The following TOX2 variants were observed in gnomAD, a reference collection of about 807,000 sequenced individuals.
TOX2 encodes TOX high mobility group box family member 2.
TOX2 carries 15 observed loss-of-function variants against 47.4 expected under a neutral mutation model. That is an observed-to-expected ratio of 0.32 (90% CI 0.21 to 0.49). TOX2 has a LOEUF of 0.49. Ranked by LOEUF, TOX2 falls within the 20% of genes least tolerant of loss-of-function variation. TOX2 has a pLI of 0.99. For synonymous variants in TOX2, 290 were observed against 296.6 expected (o/e 0.98, Z 0.23); for missense variants, 622 against 673.1 (o/e 0.92, Z 0.84).
chr20:43,941,306 A>C (rs2069399291), intron 1 of TOX2, among the ~76,000 whole-genome samples: 1 of 151,228 alleles, frequency 6.6e-6, no homozygotes, highest in Non-Finnish European at 1.5e-5. Flanking sequence ...CATTTGGATA[A>C]TAGGTGGTTT....
chr20:43,938,034 TG>T (rs2069350249), intron 1 of TOX2, among the ~76,000 whole-genome samples: 1 of 152,174 alleles, frequency 6.6e-6, no homozygotes, highest in Non-Finnish European at 1.5e-5. Flanking sequence ...CCATCCTCCC[TG>T]GGTCAAGTGA....
Position 44,014,231 on chromosome 20 carries a change from A to G in TOX2, c.411+7439A>G, listed in dbSNP as rs118053572. ...CATGGTGATGGACACAGGGTGCAAG[A>G]GAGGGTACACCCCAATGTGCAGTAC... On this transcript the variant is annotated intron_variant, in intron 3 of 8. Coordinates refer to ENST00000341197, the MANE Select transcript of TOX2 (RefSeq NM_001098797.2). Among the ~76,000 whole-genome samples, 1,206 of 151,272 alleles carry G rather than the reference A, an allele frequency of 8.0e-3. 5 individuals are homozygous for G. The highest frequency in any genetic ancestry group is 0.035 in the Middle Eastern group (10 of 284).
At chr20:43,959,511 C>T (rs999365773) in intron 1 of TOX2, among the ~76,000 whole-genome samples, 26 of 152,332 alleles carry the variant, frequency 1.7e-4, no homozygotes, top group African/African-American at 6.0e-4. Context: ...GGTCAAATTA[C>T]AATTTCAAAG....
intron 1 of TOX2, among the ~76,000 whole-genome samples, chr20:43,963,319 G>A (rs1050178885): frequency 6.6e-6 from 1 of 152,216 alleles, no homozygotes; most frequent in African/African-American, 2.4e-5. Flanking sequence ...CTCTTGTTGG[G>A]GGTGGGGACA....
At chr20:43,944,922 T>C (rs551040584) in intron 1 of TOX2, among the ~76,000 whole-genome samples, 2 of 152,210 alleles carry the variant, frequency 1.3e-5, no homozygotes, top group Non-Finnish European at 2.9e-5. Context: ...TTTCAAAGTC[T>C]GCCTTCTTCA....
chr20:44,020,438 C>T (rs570498733), intron 3 of TOX2, among the ~76,000 whole-genome samples: 61 of 152,258 alleles, frequency 4.0e-4, no homozygotes, highest in African/African-American at 1.5e-3. Flanking sequence ...GCACGTTCTG[C>T]ACATATAACC....
intron 3 of TOX2, among the ~76,000 whole-genome samples, chr20:44,044,251 G>A (rs1366903621): frequency 6.6e-6 from 1 of 152,056 alleles, no homozygotes; most frequent in East Asian, 1.9e-4. Flanking sequence ...CAAAGGAAGG[G>A]GAACATCACA....
At chr20:43,950,727 A>G (rs908668614) in intron 1 of TOX2, among the ~76,000 whole-genome samples, 1 of 152,000 alleles carries the variant, frequency 6.6e-6, no homozygotes, top group Non-Finnish European at 1.5e-5. Context: ...CGACATTCCC[A>G]ATACCCCTCA....
intron 1 of TOX2, among the ~76,000 whole-genome samples, chr20:43,941,880 G>A (rs2145351620): frequency 6.6e-6 from 1 of 152,338 alleles, no homozygotes; most frequent in South Asian, 2.1e-4. Flanking sequence ...AATCTCAGAA[G>A]ATTTGTCCCC....
At chr20:43,981,172 G>A (rs947374499) in intron 2 of TOX2, among the ~76,000 whole-genome samples, 5 of 152,156 alleles carry the variant, frequency 3.3e-5, no homozygotes, top group African/African-American at 7.2e-5. Context: ...TAACACACTC[G>A]GTTGGAGTTC....
chr20:43,943,523 C>G (rs2069427575), intron 1 of TOX2, among the ~76,000 whole-genome samples: 1 of 152,150 alleles, frequency 6.6e-6, no homozygotes, highest in Admixed American at 6.5e-5. Context: ...GTACTGTCTT[C>G]CTTATACTCA....
At position 44,068,697 on chromosome 20, in the gene TOX2, C is replaced by A; in HGVS notation, c.*11C>A. On this transcript the variant is annotated 3_prime_UTR_variant, in exon 9 of 9. Coordinates refer to ENST00000341197, the MANE Select transcript of TOX2 (RefSeq NM_001098797.2). ...CTCTACCTCACCTAATCCCGCCTCC[C>A]TACCATCCCTGAGGCTCGCTGGAAG... 6.2e-7 allele frequency: 1 copy of A among 1,614,132 alleles called. No homozygotes were observed.
At chr20:44,042,471 GA>G (rs2071348029) in intron 3 of TOX2, among the ~76,000 whole-genome samples, 1 of 152,236 alleles carries the variant, frequency 6.6e-6, no homozygotes, top group African/African-American at 2.4e-5. Flanking sequence ...AACTCCAAGG[GA>G]GAAGTTAAAG....
intron 3 of TOX2, among the ~76,000 whole-genome samples, chr20:44,032,571 G>T (rs751826627): frequency 6.6e-6 from 1 of 152,160 alleles, no homozygotes; most frequent in Non-Finnish European, 1.5e-5. Flanking sequence ...CCAGGTGGTG[G>T]TGGTGGTGGT....
chr20:43,958,575 C>T (rs2069704671), intron 1 of TOX2, among the ~76,000 whole-genome samples: 1 of 152,240 alleles, frequency 6.6e-6, no homozygotes, highest in African/African-American at 2.4e-5. Context: ...TCCCTATGGA[C>T]CTGAGCTTCC....
At chr20:44,051,593 G>GGGAA in intron 4 of TOX2, 48 bp downstream of exon 4, 1 of 1,528,336 alleles carries the variant, frequency 6.5e-7, no homozygotes, top group Non-Finnish European at 8.8e-7. Flanking sequence ...CCTGTCGGCA[G>GGGAA]GGAAGGGGTC....
chr20:43,968,235 C>T (rs573249988), intron 1 of TOX2, among the ~76,000 whole-genome samples: 34 of 152,304 alleles, frequency 2.2e-4, no homozygotes, highest in African/African-American at 7.2e-4. Flanking sequence ...CCACTTATCA[C>T]ATCTGTTTAC....
chr20:44,048,770 C>T (rs895446645), intron 3 of TOX2, among the ~76,000 whole-genome samples: 1 of 151,288 alleles, frequency 6.6e-6, no homozygotes, highest in Non-Finnish European at 1.5e-5. Context: ...AAAAATGAGA[C>T]AAAAAAGATA....
chr20:44,007,428 A>G (rs2070706473), intron 3 of TOX2: 1 of 152,706 alleles, frequency 6.5e-6, no homozygotes, highest in Non-Finnish European at 1.5e-5. Context: ...AAGGAGGGGT[A>G]AACTGGCCAC....
Sources: allele counts gnomAD v4.1 joint callset (sites outside exome capture counted in the v4.1 genomes callset), GRCh38; gene constraint gnomAD v4.1.1; transcripts MANE v1.5; gene names NCBI Gene and HGNC (gene_info 2026-07-23, HGNC 2026-07-21).